The following CELF2 variants were observed in gnomAD, a reference collection of about 807,000 sequenced individuals.
CELF2 encodes the protein CUGBP Elav-like family member 2.
A neutral mutation model predicts 62.6 loss-of-function variants in CELF2; 8 were observed. That is an observed-to-expected ratio of 0.13 (90% CI 0.07 to 0.23). The LOEUF (loss-of-function observed/expected upper bound fraction) is 0.23, where lower values mean the gene tolerates loss of function less well. Ranked by LOEUF, CELF2 falls within the 10% of genes least tolerant of loss-of-function variation. The pLI is 1.00. For missense variants in CELF2, 333 were observed against 671.0 expected, an observed-to-expected ratio of 0.50 and a Z score of 5.56; for synonymous variants, 258 against 250.0, an observed-to-expected ratio of 1.03 and a Z score of -0.30.
chr10:10,688,544 G>T, the CELF2 span, among the ~76,000 whole-genome samples: 1 of 152,216 alleles, frequency 6.6e-6, no homozygotes, highest in Non-Finnish European at 1.5e-5. Context: ...GTCCAGTACA[G>T]AGAAAGTCCT....
At chr10:10,597,702 C>A in the CELF2 span, among the ~76,000 whole-genome samples, 1 of 152,146 alleles carries the variant, frequency 6.6e-6, no homozygotes, top group Non-Finnish European at 1.5e-5. Flanking sequence ...TAAAGTACAG[C>A]AACTTTAACA....
rs2076509607 is a variant in CELF2, at chr10:11,192,559, C to G, written c.272-24866C>G. 2.0e-5 allele frequency among the ~76,000 whole-genome samples: 3 copies of G among 152,350 alleles called. No homozygotes were observed. In the South Asian group the frequency reaches 6.2e-4, roughly 32 times the overall value. On this transcript the variant is annotated intron_variant, in intron 2 of 12. Transcript: ENST00000633077. ...TCAGGCACCCTGCTCCTTCACCTCC[C>G]CATAACAGCTGTCCCCATGGCAGTC...
At chr10:10,495,448 C>T in the CELF2 span, among the ~76,000 whole-genome samples, 11 of 152,058 alleles carry the variant, frequency 7.2e-5, no homozygotes, top group African/African-American at 2.7e-4. Flanking sequence ...TAGACATTGC[C>T]CCTTTACTAG....
upstream of CELF2, among the ~76,000 whole-genome samples, chr10:11,000,828 T>C (rs1432577287): frequency 6.6e-6 from 1 of 152,242 alleles, no homozygotes; most frequent in Admixed American, 6.5e-5. Context: ...AGGCAGAGCA[T>C]GGAACTGGGG....
chr10:10,895,535 A>G (rs1184359595), intron 1 of CELF2, among the ~76,000 whole-genome samples: 1 of 152,190 alleles, frequency 6.6e-6, no homozygotes, highest in Admixed American at 6.5e-5. Context: ...TTTTCAGCCT[A>G]TTCAGATAAT....
the CELF2 span, chr10:10,784,529 T>A: frequency 6.6e-6 from 1 of 152,410 alleles, no homozygotes; most frequent in East Asian, 1.9e-4. Flanking sequence ...GGGAAAATGA[T>A]CTTTCTCCGC....
the CELF2 span, among the ~76,000 whole-genome samples, chr10:10,757,358 C>A: frequency 6.6e-6 from 1 of 152,070 alleles, no homozygotes; most frequent in South Asian, 2.1e-4. Flanking sequence ...ACTCGGGAGG[C>A]TGAGATAGGA....
chr10:10,686,312 G>T, the CELF2 span, among the ~76,000 whole-genome samples: 200 of 43,842 alleles, frequency 4.6e-3, 6 homozygotes, highest in South Asian at 0.017. Context: ...GGATTTTTTG[G>T]GGGGGGGGGT....
chr10:10,587,256 C>T, the CELF2 span, among the ~76,000 whole-genome samples: 1 of 152,216 alleles, frequency 6.6e-6, no homozygotes, highest in South Asian at 2.1e-4. Context: ...TCAAAAATTA[C>T]ATGCAACAAA....
At chr10:10,518,173 T>G in the CELF2 span, among the ~76,000 whole-genome samples, 1 of 152,228 alleles carries the variant, frequency 6.6e-6, no homozygotes, top group South Asian at 2.1e-4. Flanking sequence ...TCTGGAATTC[T>G]GAATTCCACT....
chr10:10,557,518 C>A, the CELF2 span, among the ~76,000 whole-genome samples: 3 of 145,844 alleles, frequency 2.1e-5, no homozygotes, highest in African/African-American at 7.9e-5. Context: ...GCGATGCGAG[C>A]TCTTTTTTGG....
chr10:11,049,902 G>A (rs538460134), intron 1 of CELF2, among the ~76,000 whole-genome samples: 3 of 152,236 alleles, frequency 2.0e-5, no homozygotes, highest in Non-Finnish European at 2.9e-5. Flanking sequence ...AGGACTGGCA[G>A]TGTCCTTCGG....
intron 1 of CELF2, among the ~76,000 whole-genome samples, chr10:10,862,119 G>C (rs947671920): frequency 6.6e-6 from 1 of 152,184 alleles, no homozygotes; most frequent in African/African-American, 2.4e-5. Context: ...AGTTAAACCA[G>C]ATGGTAATGA....
intron 1 of CELF2, among the ~76,000 whole-genome samples, chr10:11,111,757 G>T (rs1002752252): frequency 3.3e-5 from 5 of 152,230 alleles, no homozygotes; most frequent in Non-Finnish European, 5.9e-5. Flanking sequence ...CCAAGTTCAC[G>T]TTGGATACGC....
In CELF2 at chr10:11,316,250, G is replaced by A. The variant is rs562253202; in HGVS notation, c.1096+1992G>A. Among the ~76,000 whole-genome samples the A allele has an allele frequency of 1.3e-5, 2 of 152,254 alleles. No homozygotes were observed. Among genetic ancestry groups the A allele is most frequent in the African/African-American group, 2.4e-5 (1 of 41,530 alleles). On this transcript the variant is annotated intron_variant, in intron 10 of 12. Coordinates refer to ENST00000633077, the MANE Select transcript of CELF2 (RefSeq NM_001326342.2). The surrounding 1 kb of genome is among the most constrained non-coding windows in gnomAD (Gnocchi z 4.4). Reference sequence around the variant, plus strand: ...TAAGTCTGTATAGTTCATAGAAAACGAAGAAAGAATGTTTGTCATTTCAAA... The same window carrying A: ...TAAGTCTGTATAGTTCATAGAAAACAAAGAAAGAATGTTTGTCATTTCAAA...
chr10:10,613,703 A>G, the CELF2 span, among the ~76,000 whole-genome samples: 11 of 152,304 alleles, frequency 7.2e-5, no homozygotes, highest in East Asian at 1.9e-3. Context: ...TGTATTTGAA[A>G]TAACTTCTAA....
At chr10:11,184,103 TA>T (rs2074217116) in intron 2 of CELF2, among the ~76,000 whole-genome samples, 1 of 152,256 alleles carries the variant, frequency 6.6e-6, no homozygotes, top group South Asian at 2.1e-4. Context: ...ATGAATTATT[TA>T]TTGAAGTTCA....
chr10:10,695,721 T>C, the CELF2 span, among the ~76,000 whole-genome samples: 1 of 152,186 alleles, frequency 6.6e-6, no homozygotes, highest in Non-Finnish European at 1.5e-5. Flanking sequence ...TATTCTTTTT[T>C]CTCTAAACTT....
chr10:11,134,887 ACTTTT>A (rs1228564869), intron 1 of CELF2, among the ~76,000 whole-genome samples: 3 of 152,196 alleles, frequency 2.0e-5, no homozygotes, highest in Admixed American at 2.0e-4. Flanking sequence ...TGATTGAAAC[ACTTTT>A]CTTTTCTGTA....
Sources: allele counts gnomAD v4.1 joint callset (sites outside exome capture counted in the v4.1 genomes callset), GRCh38; gene constraint gnomAD v4.1.1; non-coding constraint Gnocchi (gnomAD v3.1); transcripts MANE v1.5; gene names NCBI Gene and HGNC (gene_info 2026-07-23, HGNC 2026-07-21).